Variants in CEP85L observed in about 807,000 individuals in gnomAD.
CEP85L encodes the protein centrosomal protein of 85 kDa-like.
A neutral mutation model predicts 100.3 loss-of-function variants in CEP85L; 60 were observed. The observed-to-expected ratio is 0.60, with a 90% confidence interval of 0.49 to 0.74. The LOEUF (loss-of-function observed/expected upper bound fraction) is 0.74. CEP85L is among the 30% of genes least tolerant of loss of function. The probability of loss-of-function intolerance (pLI) is 0.00; values close to 1 mark genes in which losing one functional copy is unlikely to be tolerated. For synonymous variants in CEP85L, 319 were observed against 322.7 expected, an observed-to-expected ratio of 0.99 and a Z score of 0.12; for missense variants, 973 against 936.2, an observed-to-expected ratio of 1.04 and a Z score of -0.51.
chr6:118,594,805 G>A (rs1265001586), intron 2 of CEP85L, among the ~76,000 whole-genome samples: 8 of 144,778 alleles, frequency 5.5e-5, no homozygotes, highest in African/African-American at 7.8e-5. Flanking sequence ...GCAGTGAGCC[G>A]AGATCCCGCC....
chr6:118,678,517 T>C (rs1342177916), intron 1 of CEP85L, among the ~76,000 whole-genome samples: 1 of 152,244 alleles, frequency 6.6e-6, no homozygotes, highest in Non-Finnish European at 1.5e-5. Context: ...CTTGACTCTC[T>C]GCATTTACTT....
chr6:118,690,986 G>C (rs1777021032), intron 1 of CEP85L, among the ~76,000 whole-genome samples: 1 of 150,284 alleles, frequency 6.7e-6, no homozygotes, highest in South Asian at 2.1e-4. Flanking sequence ...GACAGAGTGA[G>C]ACCCTGTCTC....
upstream of CEP85L, among the ~76,000 whole-genome samples, chr6:118,655,958 A>G (rs1369560736): frequency 1.3e-5 from 2 of 152,110 alleles, no homozygotes; most frequent in African/African-American, 4.8e-5. Flanking sequence ...GATCCATGTG[A>G]CTCCAAAGCC....
rs1777812751 is a variant in CEP85L at position 118,539,926 on chromosome 6, T to C, written c.1021-16006A>G. ...TTTCTTCTTTTATATGTTAAAAATA[T>C]CATTTTTAAAATGGTCTCAGGAGTC... On this transcript the variant is annotated intron_variant, in intron 3 of 12. Coordinates refer to ENST00000368491, the MANE Select transcript of CEP85L (RefSeq NM_001042475.3). Among the ~76,000 whole-genome samples the C allele has an allele frequency of 3.9e-5, 6 of 152,210 alleles. 1 individual carries two copies. The South Asian group carries it at 1.2e-3, about 32-fold the overall frequency.
chr6:118,665,569 C>G (rs1388707836), intron 1 of CEP85L, among the ~76,000 whole-genome samples: 1 of 151,796 alleles, frequency 6.6e-6, no homozygotes, highest in African/African-American at 2.4e-5. Flanking sequence ...ACGTTGCCCA[C>G]GCTGGTCTCA....
chr6:118,596,236 C>A (rs1404881016), intron 2 of CEP85L, among the ~76,000 whole-genome samples: 1 of 152,070 alleles, frequency 6.6e-6, no homozygotes, highest in Non-Finnish European at 1.5e-5. Flanking sequence ...ACGGATATGA[C>A]ATAATCTGAT....
chr6:118,515,014 T>C lies in CEP85L; in HGVS notation c.1140-3599A>G, dbSNP rs113016849. ...TTTGTGAAGGTGAAATCTCACTATG[T>C]TGCCCAGGCTGGTCTCAAACTCCTG... On this transcript the variant is annotated intron_variant, in intron 4 of 12. Coordinates refer to ENST00000368491, the MANE Select transcript of CEP85L (RefSeq NM_001042475.3). Among the ~76,000 whole-genome samples, 21 of 152,010 alleles carry C rather than the reference T, an allele frequency of 1.4e-4. 1 individual carries two copies. The highest frequency in any genetic ancestry group is 5.1e-4 in the African/African-American group (21 of 41,500).
At chr6:118,568,864 A>C (rs535467096) in intron 2 of CEP85L, among the ~76,000 whole-genome samples, 1 of 152,140 alleles carries the variant, frequency 6.6e-6, no homozygotes, top group Non-Finnish European at 1.5e-5. Flanking sequence ...TTATAGCATT[A>C]TATATATTTT....
rs1781672559 is a variant in CEP85L at position 118,600,298 on chromosome 6, G to GTGTGTGTGT, written c.232+32154_232+32155insACACACACA. 1.4e-3 allele frequency among the ~76,000 whole-genome samples: 82 copies of GTGTGTGTGT among 59,194 alleles called. 10 individuals are homozygous for GTGTGTGTGT. The highest frequency in any genetic ancestry group is 3.6e-3 in the African/African-American group (63 of 17,410). The allele number at this position is 59,194 out of a possible 152,430, so 38.8% of individuals were successfully genotyped here. ...TACTGCCTGTCCCTGAGCCTTCCTGGGGGTGTGTGTGTGTGTGTGTGTGTG... is the reference window on the plus strand; with the variant it reads ...TACTGCCTGTCCCTGAGCCTTCCTGGTGTGTGTGTGGGTGTGTGTGTGTGTGTGTGTGTG... On this transcript the variant is annotated intron_variant, in intron 2 of 12. Coordinates refer to ENST00000368491, the MANE Select transcript of CEP85L (RefSeq NM_001042475.3).
chr6:118,682,791 A>ACG (rs1447815038), intron 1 of CEP85L, among the ~76,000 whole-genome samples: 22 of 151,556 alleles, frequency 1.5e-4, no homozygotes, highest in Non-Finnish European at 2.8e-4. Flanking sequence ...ACACACACAC[A>ACG]CACACACACA....
In CEP85L at chr6:118,465,261, C is replaced by T; in HGVS notation, c.*144G>A. ...GATAAGCCCCTTCAAAATCTCTTCA[C>T]TTCCCTTCTCCCCTTCAACAAAACA... On this transcript the variant is annotated 3_prime_UTR_variant, in exon 13 of 13. Transcript: ENST00000368491. 1.6e-6 allele frequency: 1 copy of T among 631,064 alleles called. No homozygotes were observed. Among genetic ancestry groups the T allele is most frequent in the Non-Finnish European group, 2.6e-6 (1 of 386,910 alleles). 39.1% of individuals were successfully genotyped at this position (631,064 alleles called of 1,614,324 possible). A position where few individuals can be genotyped will look rare whatever the true frequency, so the allele number is the denominator to read the frequency against.
intron 1 of CEP85L, among the ~76,000 whole-genome samples, chr6:118,702,956 A>G (rs1777464482): frequency 6.8e-6 from 1 of 147,322 alleles, no homozygotes; most frequent in Admixed American, 6.9e-5. Flanking sequence ...AGATGGCTCC[A>G]TTGCACTCCA....
At chr6:118,554,240 T>C (rs12153938) in intron 3 of CEP85L, among the ~76,000 whole-genome samples, 102,812 of 151,998 alleles carry the variant, frequency 0.68, 35,470 homozygotes, top group Middle Eastern at 0.74. Flanking sequence ...TGAGCCACGA[T>C]TGCACAACTG....
chr6:118,475,684 G>GAC (rs1385357230), intron 10 of CEP85L, among the ~76,000 whole-genome samples: 3 of 152,038 alleles, frequency 2.0e-5, no homozygotes, highest in African/African-American at 7.2e-5. Flanking sequence ...GTTAATGCTT[G>GAC]AGTTCTTTGG....
intron 1 of CEP85L, among the ~76,000 whole-genome samples, chr6:118,637,975 A>G (rs1179127394): frequency 6.6e-6 from 1 of 152,136 alleles, no homozygotes; most frequent in Admixed American, 6.6e-5. Context: ...TTCAGCTATC[A>G]ATCTAGCAAA....
chr6:118,485,175 C>T (rs529385593), intron 6 of CEP85L, among the ~76,000 whole-genome samples: 4 of 152,180 alleles, frequency 2.6e-5, no homozygotes, highest in Admixed American at 6.5e-5. Context: ...TTCATATTTA[C>T]TCCTATTTAC....
intron 3 of CEP85L, among the ~76,000 whole-genome samples, chr6:118,540,533 C>G (rs1159430329): frequency 6.6e-6 from 1 of 151,966 alleles, no homozygotes; most frequent in Non-Finnish European, 1.5e-5. Flanking sequence ...AAGGCGGGCA[C>G]ATCACGAGGT....
At chr6:118,492,094 C>T (rs1183048320) in intron 5 of CEP85L, among the ~76,000 whole-genome samples, 1 of 152,018 alleles carries the variant, frequency 6.6e-6, no homozygotes, top group Admixed American at 6.6e-5. Context: ...AACAATAAAG[C>T]CTACTTTGCA....
At chr6:118,632,673 T>C in intron 1 of CEP85L, 62 bp from the exon 2 acceptor site, 1 of 1,390,866 alleles carries the variant, frequency 7.2e-7, no homozygotes, top group Non-Finnish European at 9.7e-7. Flanking sequence ...ATTTTTTTTT[T>C]ACCTTGTGGA....
Sources: allele counts gnomAD v4.1 joint callset (sites outside exome capture counted in the v4.1 genomes callset), GRCh38; gene constraint gnomAD v4.1.1; transcripts MANE v1.5; gene names NCBI Gene and HGNC (gene_info 2026-07-23, HGNC 2026-07-21).